ZSCAN25: variants seen among roughly 807,000 people sequenced by gnomAD.
ZSCAN25 encodes zinc finger and SCAN domain-containing protein 25.
In ZSCAN25, 27 loss-of-function variants were observed where a neutral mutation model predicts 38.7. The observed-to-expected ratio is 0.70, with a 90% CI of 0.51 to 0.96. The LOEUF is 0.96. Among genes scored for constraint, ZSCAN25 ranks in the 40% least tolerant of loss-of-function variants. The pLI is 0.00. For missense variants in ZSCAN25, 637 were observed against 705.9 expected (o/e 0.90, Z 1.11); for synonymous variants, 273 against 277.7 (o/e 0.98, Z 0.17).
the ZSCAN25 span, chr7:99,707,928 G>C: frequency 1.9e-6 from 3 of 1,613,950 alleles, no homozygotes; most frequent in Non-Finnish European, 2.5e-6. Flanking sequence ...CTTCCAAAGG[G>C]TGTGTATATG....
the ZSCAN25 span, chr7:99,685,112 A>G: frequency 6.7e-7 from 1 of 1,500,736 alleles, no homozygotes; most frequent in East Asian, 2.3e-5. Flanking sequence ...GCTTTTTTGA[A>G]GAGCAAAGCA....
At chr7:99,679,445 C>T in the ZSCAN25 span, among the ~76,000 whole-genome samples, 4,577 of 152,246 alleles carry the variant, frequency 0.03, 238 homozygotes, top group African/African-American at 0.1. Flanking sequence ...CCACTCCTTC[C>T]TGTACCCAGA....
At chr7:99,624,387 A>G (rs1184695732) in intron 7 of ZSCAN25, 11 of 602,722 alleles carry the variant, frequency 1.8e-5, no homozygotes, top group Non-Finnish European at 2.9e-5. Flanking sequence ...ACATGAGGCC[A>G]TTATTCTGGC....
rs765425342 is a variant in ZSCAN25 at position 99,629,853 on chromosome 7, G to A, written c.1468G>A (p.Val490Met). ...TGGCGAGAAGCCATATGGGTGCCAG[G>A]TGTGCGGGAAGCGGTTCAGCAAAGG... The part of the protein sequence containing the change: ...HTGEKPYGCQ[V>M]CGKRFSKGER... The change falls in exon 8 of 8, where the codon GTG becomes ATG. Residue 490 changes from valine (V) to methionine (M), a missense_variant. By Grantham distance (21) the Val-to-Met change is conservative. Coordinates refer to ENST00000394152, the MANE Select transcript of ZSCAN25 (RefSeq NM_145115.3). This position sits in a 1 kb window ranked among gnomAD's most constrained non-coding sequence, Gnocchi z 5.6. 1 of 1,614,264 alleles carries A rather than the reference G, an allele frequency of 6.2e-7. No homozygotes were observed. The highest frequency in any genetic ancestry group is 8.5e-7 in the Non-Finnish European group (1 of 1,180,048).
chr7:99,667,966 C>A, the ZSCAN25 span, among the ~76,000 whole-genome samples: 4 of 152,060 alleles, frequency 2.6e-5, no homozygotes, highest in Non-Finnish European at 5.9e-5. Context: ...AAATAAAAGG[C>A]ATACAGATTG....
downstream of ZSCAN25, among the ~76,000 whole-genome samples, chr7:99,633,750 A>T (rs570123226): frequency 1.4e-3 from 208 of 152,316 alleles, 8 homozygotes; most frequent in Non-Finnish European, 1.1e-3. Flanking sequence ...GGATTTAAAC[A>T]TACTTGGTAT....
chr7:99,710,896 A>G, the ZSCAN25 span: 64 of 1,613,554 alleles, frequency 4.0e-5, no homozygotes, highest in Non-Finnish European at 5.0e-5. Flanking sequence ...GACAGAGCTG[A>G]AAGGAGAGAA....
downstream of ZSCAN25, among the ~76,000 whole-genome samples, chr7:99,636,241 T>C (rs1224641578): frequency 6.6e-6 from 1 of 152,164 alleles, no homozygotes; most frequent in Non-Finnish European, 1.5e-5. Context: ...ACTTTGGGAA[T>C]TTTAGAAAGC....
At chr7:99,663,076 G>T in the ZSCAN25 span, 2 of 1,327,864 alleles carry the variant, frequency 1.5e-6, no homozygotes, top group Non-Finnish European at 9.7e-7. Context: ...ATGTTTTCCT[G>T]AAACAAATCT....
chr7:99,665,170 T>A, the ZSCAN25 span: 1 of 1,608,958 alleles, frequency 6.2e-7, no homozygotes, highest in East Asian at 2.2e-5. Flanking sequence ...ACATACTTAT[T>A]GAGAGAAATA....
At chr7:99,655,503 C>A in the ZSCAN25 span, among the ~76,000 whole-genome samples, 2 of 152,206 alleles carry the variant, frequency 1.3e-5, no homozygotes, top group Admixed American at 1.3e-4. Flanking sequence ...AGTTTGAAGT[C>A]AGGTAGCATG....
the ZSCAN25 span, among the ~76,000 whole-genome samples, chr7:99,662,007 T>C: frequency 2.6e-5 from 4 of 152,246 alleles, no homozygotes; most frequent in African/African-American, 9.6e-5. The surrounding 1 kb of genome is among the most constrained non-coding windows in gnomAD (Gnocchi z 4.3). Context: ...TGATAGACTA[T>C]TTTCTTTATC....
the ZSCAN25 span, among the ~76,000 whole-genome samples, chr7:99,639,277 A>G: frequency 6.6e-6 from 1 of 152,238 alleles, no homozygotes; most frequent in African/African-American, 2.4e-5. Flanking sequence ...CTGGAACTCC[A>G]TGGACTGGAC....
At chr7:99,637,460 T>G in the ZSCAN25 span, among the ~76,000 whole-genome samples, 1 of 152,188 alleles carries the variant, frequency 6.6e-6, no homozygotes, top group Non-Finnish European at 1.5e-5. Context: ...AAGTGTGTCC[T>G]TCATGGGTTA....
At chr7:99,656,009 A>G in the ZSCAN25 span, among the ~76,000 whole-genome samples, 11 of 152,214 alleles carry the variant, frequency 7.2e-5, no homozygotes, top group Admixed American at 6.5e-4. Context: ...TAGATATACA[A>G]TCATGTCATC....
rs761373355 is a variant in ZSCAN25, at chr7:99,621,452, C to T, written c.467C>T (p.Pro156Leu). The change falls in exon 5 of 8, where the codon CCA becomes CTA. Residue 156 changes from proline to leucine, a missense_variant. By Grantham distance (98) the Pro-to-Leu change is moderately conservative (BLOSUM62 -3). Transcript: ENST00000394152. Reference protein sequence around the residue: ...GAWEPGIQLGPVEVKPEWGMP... With the variant: ...GAWEPGIQLGLVEVKPEWGMP... ...TGGGAGCCAGGCATCCAGCTGGGGC[C>T]AGTGGAGGTCAAGCCTGAATGGGGG... The T allele has an allele frequency of 1.3e-6, 2 of 1,561,632 alleles. No homozygotes were observed. The highest frequency in any genetic ancestry group is 1.7e-6 in the Non-Finnish European group (2 of 1,149,334).
chr7:99,664,253 G>A, the ZSCAN25 span, among the ~76,000 whole-genome samples: 12 of 152,150 alleles, frequency 7.9e-5, no homozygotes, highest in Non-Finnish European at 1.5e-4. Flanking sequence ...TCAGGCCGGC[G>A]ACTGAGCAAG....
the ZSCAN25 span, among the ~76,000 whole-genome samples, chr7:99,736,504 G>T: frequency 1.3e-5 from 2 of 152,174 alleles, no homozygotes; most frequent in African/African-American, 4.8e-5. Context: ...TGATGGGAGA[G>T]ATCTCAGTGA....
the ZSCAN25 span, among the ~76,000 whole-genome samples, chr7:99,658,193 TTGGCA>T: frequency 1.3e-5 from 2 of 152,210 alleles, no homozygotes; most frequent in Admixed American, 1.3e-4. Context: ...TCTTTACAAT[TTGGCA>T]TGTTTTTGCA....
Sources: gnomAD v4.1 joint callset for allele counts (sites outside exome capture counted in the v4.1 genomes callset) on GRCh38, gnomAD v4.1.1 for gene constraint, Gnocchi (gnomAD v3.1) non-coding constraint, MANE v1.5 for transcripts, NCBI Gene and HGNC (gene_info 2026-07-23, HGNC 2026-07-21) for gene names.